SCN11A: variants seen among roughly 807,000 people sequenced by gnomAD.
SCN11A encodes the protein sodium channel protein type 11 subunit alpha.
Under a neutral mutation model 162.2 loss-of-function variants are expected in SCN11A, and 122 were observed. The observed-to-expected ratio is 0.75, with a 90% confidence interval of 0.65 to 0.87. The LOEUF (loss-of-function observed/expected upper bound fraction) is 0.87. Among genes scored for constraint, SCN11A ranks in the 40% least tolerant of loss-of-function variants. The pLI, the probability that SCN11A is intolerant of heterozygous loss-of-function variation, is 0.00. For synonymous variants in SCN11A, 758 were observed against 751.5 expected, an observed-to-expected ratio of 1.01 and a Z score of -0.14; for missense variants, 2,015 against 2,181.6, an observed-to-expected ratio of 0.92 and a Z score of 1.52.
Position 38,846,641 on chromosome 3 carries a change from CA to C in SCN11A, c.*52del. 1 of 1,470,552 alleles carries C rather than the reference CA, an allele frequency of 6.8e-7. No homozygotes were observed. Among genetic ancestry groups the C allele is most frequent in the East Asian group, 2.3e-5 (1 of 43,898 alleles). The allele number at this position is 1,470,552 out of a possible 1,614,324, so 91.1% of individuals were successfully genotyped here. On this transcript the variant is annotated 3_prime_UTR_variant, in exon 30 of 30. Coordinates refer to ENST00000302328, the MANE Select transcript of SCN11A (RefSeq NM_001349253.2). ...CACTAAGCTGCTGACCCCTGGAGCT[CA>C]GAGGCTGAAGGCAAGGCTGTGAAGC...
chr3:38,866,179 T>C (rs886187807), intron 27 of SCN11A, among the ~76,000 whole-genome samples: 2 of 151,948 alleles, frequency 1.3e-5, no homozygotes, highest in African/African-American at 4.8e-5. Context: ...ATCCATAATA[T>C]GCAATGTAAT....
intron 7 of SCN11A, among the ~76,000 whole-genome samples, chr3:38,929,114 A>G (rs2066192520): frequency 7.9e-6 from 1 of 126,704 alleles, no homozygotes; most frequent in Non-Finnish European, 1.7e-5. Context: ...CCACACTGTC[A>G]AAAATACTGG....
intron 1 of SCN11A, among the ~76,000 whole-genome samples, chr3:39,044,844 G>T (rs148340130): frequency 6.6e-6 from 1 of 151,438 alleles, no homozygotes; most frequent in South Asian, 2.1e-4. Flanking sequence ...TAATGAAATC[G>T]AGACAAAAAA....
intron 2 of SCN11A, among the ~76,000 whole-genome samples, chr3:39,029,754 C>T (rs2031697173): frequency 6.6e-6 from 1 of 152,204 alleles, no homozygotes; most frequent in Non-Finnish European, 1.5e-5. Flanking sequence ...CTGCCCCTCC[C>T]ACAATATTTA....
chr3:38,942,509 G>A (rs548611246), intron 7 of SCN11A, among the ~76,000 whole-genome samples: 4 of 152,020 alleles, frequency 2.6e-5, no homozygotes, highest in Non-Finnish European at 5.9e-5. Flanking sequence ...GATCATAACT[G>A]AACTGAAATT....
chr3:38,960,202 A>C (rs1302864422), intron 3 of SCN11A, among the ~76,000 whole-genome samples, 81 bp downstream of exon 3: 4 of 152,196 alleles, frequency 2.6e-5, no homozygotes, highest in African/African-American at 9.7e-5. Flanking sequence ...TACCCTGATG[A>C]GAAAAACAAA....
In SCN11A at chr3:38,871,506, C is replaced by G. The variant is rs887917415; in HGVS notation, c.3698G>C (p.Trp1233Ser). The G allele has an allele frequency of 1.9e-6, 3 of 1,613,050 alleles. No homozygotes were observed. The highest frequency in any genetic ancestry group is 2.5e-6 in the Non-Finnish European group (3 of 1,179,538). Residue 1233 changes from tryptophan to serine, a missense_variant, in exon 25 of 30, where the codon TGG (tryptophan) becomes TCG (serine). Trp to Ser is a radical substitution (Grantham distance 177, BLOSUM62 -3). Transcript: ENST00000302328. The part of the protein sequence containing the change: ...KSQCESGNFS[W>S]INQKVNFDNV... ...GTCAAAGTTGACTTTCTGGTTGATC[C>G]AAGAGAAATTGCCACTTTCACATTG...
chr3:38,963,709 T>A (rs1218128761), intron 2 of SCN11A, among the ~76,000 whole-genome samples: 1 of 151,518 alleles, frequency 6.6e-6, no homozygotes, highest in Non-Finnish European at 1.5e-5. Flanking sequence ...TACAATGACT[T>A]CGGGGAGTCG....
chr3:38,846,879 T>C lies in SCN11A; in HGVS notation c.5191A>G (p.Lys1731Glu), dbSNP rs1330295725. ...ATAGCAGCACCTCTTTCCTCTTCCT[T>C]TCTCTTGGTGGTGGTGACTATGGGT... ...YEPIVTTTKRKEEERGAAIIQ... is the reference protein window; with the variant it reads ...YEPIVTTTKREEEERGAAIIQ... Residue 1731 changes from lysine to glutamate, a missense_variant, in exon 30 of 30, where the codon AAG becomes GAG. Lys to Glu is a moderately conservative substitution (Grantham distance 56). Transcript: ENST00000302328. 1 of 1,614,142 alleles carries C rather than the reference T, an allele frequency of 6.2e-7. No homozygotes were observed. The highest frequency in any genetic ancestry group is 1.1e-5 in the South Asian group (1 of 91,064).
In SCN11A at chr3:38,933,073, C is replaced by T. The variant is rs557023689; in HGVS notation, c.489-6142G>A. On this transcript the variant is annotated intron_variant, in intron 7 of 29. Coordinates refer to ENST00000302328, the MANE Select transcript of SCN11A (RefSeq NM_001349253.2). ...GCAGCATTCGCGGTTCACAAAAATC[C>T]GCTGTTCTGCAGCCACCGCTGCTGG... 3.7e-3 allele frequency among the ~76,000 whole-genome samples: 556 copies of T among 152,256 alleles called. 2 individuals carry two copies. Among genetic ancestry groups the T allele is most frequent in the Non-Finnish European group, 5.8e-3 (392 of 68,002 alleles).
At chr3:38,908,784 G>A (rs1032510276) in intron 13 of SCN11A, among the ~76,000 whole-genome samples, 7 of 152,256 alleles carry the variant, frequency 4.6e-5, no homozygotes, top group Middle Eastern at 3.4e-3. Flanking sequence ...AAGACCAAGC[G>A]TTCCCCGTTT....
In SCN11A at chr3:38,910,275, G is replaced by A. The variant is rs989385246; in HGVS notation, c.960-68C>T. ...AGCCAAGCTTCTTTTTCCTTCCAAC[G>A]ACTCTGGTTTTTCCAAGGGCTGTGG... On this transcript the variant is annotated intron_variant, in intron 11 of 29. Transcript: ENST00000302328. The A allele has an allele frequency of 1.3e-5, 20 of 1,512,736 alleles. No homozygotes were observed. The African/African-American group carries it at 1.5e-4, about 12-fold the overall frequency. 93.7% of individuals were successfully genotyped at this position (1,512,736 alleles called of 1,614,324 possible).
At chr3:38,958,250 A>T (rs2066705968) in intron 3 of SCN11A, among the ~76,000 whole-genome samples, 1 of 151,762 alleles carries the variant, frequency 6.6e-6, no homozygotes, top group Admixed American at 6.6e-5. Context: ...CCAGCAAGTG[A>T]CCCGGAATAT....
chr3:39,004,674 C>G (rs187517637), intron 2 of SCN11A, among the ~76,000 whole-genome samples: 118 of 151,840 alleles, frequency 7.8e-4, no homozygotes, highest in African/African-American at 2.6e-3. Flanking sequence ...TTTTTTTTCC[C>G]ATTTGTTTGT....
At chr3:39,017,096 T>C (rs2031310096) in intron 2 of SCN11A, among the ~76,000 whole-genome samples, 1 of 152,180 alleles carries the variant, frequency 6.6e-6, no homozygotes, top group South Asian at 2.1e-4. Context: ...AATTATATCA[T>C]GAGAGTGGAG....
At chr3:38,978,980 T>C (rs1157710915) in intron 2 of SCN11A, among the ~76,000 whole-genome samples, 1 of 152,232 alleles carries the variant, frequency 6.6e-6, no homozygotes, top group Non-Finnish European at 1.5e-5. Context: ...GGGAAACCTT[T>C]AAAGAACTTC....
intron 28 of SCN11A, among the ~76,000 whole-genome samples, chr3:38,857,688 T>A (rs533059733): frequency 6.6e-6 from 1 of 152,116 alleles, no homozygotes; most frequent in East Asian, 1.9e-4. Flanking sequence ...CCTAGGCACA[T>A]AGTCATCAAG....
chr3:39,018,354 T>G (rs570542938), intron 2 of SCN11A, among the ~76,000 whole-genome samples: 3 of 151,774 alleles, frequency 2.0e-5, no homozygotes, highest in African/African-American at 7.3e-5. Context: ...GGTGTTTTTA[T>G]TCTCCTTCAG....
At chr3:39,026,410 G>A (rs1257318825) in intron 2 of SCN11A, among the ~76,000 whole-genome samples, 1 of 152,118 alleles carries the variant, frequency 6.6e-6, no homozygotes, top group Non-Finnish European at 1.5e-5. Flanking sequence ...CTACAACCTC[G>A]CCGGGTCGTG....
Sources: gnomAD v4.1 joint callset for allele counts (sites outside exome capture counted in the v4.1 genomes callset) on GRCh38, gnomAD v4.1.1 for gene constraint, MANE v1.5 for transcripts, NCBI Gene and HGNC (gene_info 2026-07-23, HGNC 2026-07-21) for gene names.